The following RTN3 variants were observed in gnomAD, a reference collection of about 807,000 sequenced individuals.
RTN3 encodes reticulon 3, also known as reticulon-3.
RTN3 carries 49 observed loss-of-function variants against 77.8 expected under a neutral mutation model. That is an observed-to-expected ratio of 0.63 (90% CI 0.50 to 0.80). RTN3 has a LOEUF of 0.80. RTN3 is among the 30% of genes least tolerant of loss of function. RTN3 has a pLI of 0.00. For missense variants in RTN3, 1,236 were observed against 1,211.9 expected, an observed-to-expected ratio of 1.02 and a Z score of -0.29; for synonymous variants, 464 against 446.9, an observed-to-expected ratio of 1.04 and a Z score of -0.48.
At chr11:63,696,857 TTTTCTTTCTTTCTTTC>T (rs1272351873) in intron 1 of RTN3, among the ~76,000 whole-genome samples, 8,391 of 92,158 alleles carry the variant, frequency 0.091, 639 homozygotes, top group Middle Eastern at 0.2. Flanking sequence ...CCTGTTGCTA[TTTTCTTTCTTTCTTTC>T]TTTCTTTCTT....
Position 63,719,622 on chromosome 11 carries a change from A to ATT in RTN3, c.1121_1122dup (p.Pro375PhefsTer4). 1 of 1,613,738 alleles carries ATT rather than the reference A, an allele frequency of 6.2e-7. No homozygotes were observed. On this transcript the variant is annotated frameshift_variant, in exon 3 of 9. Coordinates refer to ENST00000377819, the MANE Select transcript of RTN3 (RefSeq NM_001265589.2). LOFTEE classifies it high-confidence loss of function. The stretch of plus-strand genomic sequence containing the variant: ...TGACATGAGTGAATATAATTCAGAA[A>ATT]TTCCAGTTGTAAATCTTAAAACTAG...
intron 1 of RTN3, among the ~76,000 whole-genome samples, chr11:63,699,952 CA>C (rs1942153417): frequency 6.6e-6 from 1 of 152,144 alleles, no homozygotes. Context: ...CCCTGTGACA[CA>C]AATACAGAAT....
intron 3 of RTN3, among the ~76,000 whole-genome samples, chr11:63,747,382 A>G (rs1171934488): frequency 6.6e-6 from 1 of 152,178 alleles, no homozygotes; most frequent in African/African-American, 2.4e-5. Flanking sequence ...TATTCTATTA[A>G]GTTCTTCTGT....
At chr11:63,683,943 CTTTTTTTTTTTTT>C (rs35837590) in intron 1 of RTN3, among the ~76,000 whole-genome samples, 20 of 58,944 alleles carry the variant, frequency 3.4e-4, no homozygotes, top group Admixed American at 5.1e-4. Flanking sequence ...TCTTTTCTTT[CTTTTTTTTTTTTT>C]TTTTTTTTTT....
intron 2 of RTN3, among the ~76,000 whole-genome samples, chr11:63,716,124 C>T (rs1032641878): frequency 6.6e-6 from 1 of 152,160 alleles, no homozygotes. Flanking sequence ...ATTCTAATAA[C>T]CAGATTACAG....
At chr11:63,753,808 C>A in intron 7 of RTN3, 100 bp downstream of exon 7, 2 of 1,075,356 alleles carry the variant, frequency 1.9e-6, no homozygotes, top group Non-Finnish European at 2.8e-6. Context: ...CTTTTTATAA[C>A]TATTTCTACA....
chr11:63,690,684 C>A (rs1380022891), intron 1 of RTN3, among the ~76,000 whole-genome samples: 1 of 152,152 alleles, frequency 6.6e-6, no homozygotes, highest in Non-Finnish European at 1.5e-5. Flanking sequence ...AAGCCAGGTG[C>A]CTTTTTATTT....
intron 7 of RTN3, 58 bp from the exon 8 acceptor site, chr11:63,756,054 T>A: frequency 8.2e-7 from 1 of 1,215,904 alleles, no homozygotes; most frequent in Non-Finnish European, 1.2e-6. Flanking sequence ...AGCCGTGCCT[T>A]CAGGAAAATT....
In RTN3 at chr11:63,681,740, C is replaced by G. The variant is rs1258113418; in HGVS notation, c.104C>G (p.Pro35Arg). The change falls in exon 1 of 9, where the codon CCC becomes CGC. Residue 35 changes from proline to arginine, a missense_variant. Around this residue, in one of 3 missense-constraint regions of RTN3, gnomAD observed 1,056 missense variants for 990.4 expected, o/e 1.07. Coordinates refer to ENST00000377819, the MANE Select transcript of RTN3 (RefSeq NM_001265589.2). ...GGCGGCGGGAGCCCAGGAGCCTGCC[C>G]CGCCCTGGGGACGAAGAGCTGCAGC... The part of the protein sequence containing the change: ...PGGGGSPGAC[P>R]ALGTKSCSSS... 1.2e-6 allele frequency: 2 copies of G among 1,607,138 alleles called. No homozygotes were observed. The highest frequency in any genetic ancestry group is 1.1e-5 in the South Asian group (1 of 90,728).
chr11:63,705,270 T>C (rs1942442084), intron 2 of RTN3, among the ~76,000 whole-genome samples: 1 of 152,136 alleles, frequency 6.6e-6, no homozygotes, highest in Non-Finnish European at 1.5e-5. Flanking sequence ...GGCAGATCAC[T>C]TGAACTCATG....
chr11:63,703,570 T>C (rs976168460), intron 1 of RTN3, among the ~76,000 whole-genome samples: 2 of 150,876 alleles, frequency 1.3e-5, no homozygotes, highest in Admixed American at 6.6e-5. Context: ...TTTTGAGACG[T>C]CTCACTCTGT....
At position 63,720,414 on chromosome 11, in the gene RTN3, T is replaced by C; in HGVS notation, c.1912T>C (p.Leu638=). 6.2e-7 allele frequency: 1 copy of C among 1,613,926 alleles called. No individual in the cohort carries two copies. Among genetic ancestry groups the C allele is most frequent in the East Asian group, 2.2e-5 (1 of 44,872 alleles). The change falls in exon 3 of 9, where the codon TTA becomes CTA. Residue 638 remains leucine (L), a synonymous_variant. Transcript: ENST00000377819. ...GACAACATCTGCCTATTTGGAGTCA[T>C]TACATGGGAAAAATGTTAAACATAT... ...NVTTSAYLES[L]HGKNVKHIDD...
At chr11:63,691,342 A>G (rs1322464732) in intron 1 of RTN3, among the ~76,000 whole-genome samples, 1 of 151,800 alleles carries the variant, frequency 6.6e-6, no homozygotes, top group Non-Finnish European at 1.5e-5. Flanking sequence ...GCTGGTCTTG[A>G]ACTCCTGACC....
chr11:63,728,616 G>A (rs879659684), intron 3 of RTN3, among the ~76,000 whole-genome samples: 2 of 152,174 alleles, frequency 1.3e-5, no homozygotes, highest in African/African-American at 2.4e-5. Flanking sequence ...GAGGCTGGGC[G>A]CGGTGGCTCA....
At position 63,681,686 on chromosome 11, in the gene RTN3, C is replaced by G. The variant is rs769523522; in HGVS notation, c.50C>G (p.Ser17Cys). Residue 17 changes from serine (S) to cysteine (C), a missense_variant, in exon 1 of 9, where the codon TCC (serine) becomes TGC (cysteine). By Grantham distance (112) the Ser-to-Cys change is moderately radical. Coordinates refer to ENST00000377819, the MANE Select transcript of RTN3 (RefSeq NM_001265589.2). ...ATQSHSISSS[S>C]FGAEPSAPGG... Reference sequence around the variant, plus strand: ...CAGTCCCATTCCATCTCCTCGTCGTCCTTCGGAGCCGAGCCGTCCGCGCCC... The same window carrying G: ...CAGTCCCATTCCATCTCCTCGTCGTGCTTCGGAGCCGAGCCGTCCGCGCCC... 7.4e-6 allele frequency: 12 copies of G among 1,611,596 alleles called. No homozygotes were observed. The highest frequency in any genetic ancestry group is 2.7e-5 in the African/African-American group (2 of 74,806).
Position 63,715,206 on chromosome 11 carries a change from TTC to T in RTN3, c.200-3494_200-3493del, listed in dbSNP as rs2011322667. On this transcript the variant is annotated intron_variant, in intron 2 of 8. Transcript: ENST00000377819. ...AAGCTCCATAAAGGCAAGAAATTTT[TTC>T]TGTTTTATTCACTGCTTTAAGCCCA... Among the ~76,000 whole-genome samples the T allele has an allele frequency of 4.6e-5, 7 of 152,360 alleles. No individual in the cohort carries two copies. In the South Asian group the frequency reaches 1.2e-3, roughly 27 times the overall value.
At position 63,712,342 on chromosome 11, in the gene RTN3, T is replaced by C. The variant is rs117106162; in HGVS notation, c.200-6360T>C. 7.1e-4 allele frequency among the ~76,000 whole-genome samples: 108 copies of C among 152,310 alleles called. 4 individuals carry two copies. In the East Asian group the frequency reaches 9.8e-3, roughly 14 times the overall value. On this transcript the variant is annotated intron_variant, in intron 2 of 8. Coordinates refer to ENST00000377819, the MANE Select transcript of RTN3 (RefSeq NM_001265589.2). ...TATTGGGGATTTACTAAGTGGCAGC[T>C]ACTACTGTGAACATGTATTAACTCA...
Position 63,759,363 on chromosome 11 carries a change from G to A in RTN3, c.*1162G>A, listed in dbSNP as rs537755684. On this transcript the variant is annotated 3_prime_UTR_variant, in exon 9 of 9. Transcript: ENST00000377819. ...TCCTTCAGAGGGAATATGCACTGGC[G>A]AGTTTAAAGTAAGGGCTATGATATT... is the stretch of plus-strand genomic sequence containing the variant. The A allele has an allele frequency of 6.6e-5, 10 of 152,648 alleles. No individual in the cohort carries two copies. The East Asian group carries it at 1.5e-3, about 24-fold the overall frequency. 9.5% of individuals were successfully genotyped at this position (152,648 alleles called of 1,614,324 possible). A position where few individuals can be genotyped will look rare whatever the true frequency, so the allele number is the denominator to read the frequency against.
intron 1 of RTN3, among the ~76,000 whole-genome samples, chr11:63,690,313 G>C (rs767184751): frequency 6.6e-6 from 1 of 152,104 alleles, no homozygotes; most frequent in Non-Finnish European, 1.5e-5. Flanking sequence ...TGATTTTCAC[G>C]ATATCTTACA....
Sources: allele counts gnomAD v4.1 joint callset (sites outside exome capture counted in the v4.1 genomes callset), GRCh38; gene constraint gnomAD v4.1.1; regional missense constraint gnomAD v4.1.1; transcripts MANE v1.5; gene names NCBI Gene and HGNC (gene_info 2026-07-23, HGNC 2026-07-21).